The following NRBP1 variants were observed in gnomAD, a reference collection of about 807,000 sequenced individuals.
NRBP1 encodes the protein nuclear receptor-binding protein.
A neutral mutation model predicts 76.0 loss-of-function variants in NRBP1; 10 were observed. The observed-to-expected ratio is 0.13, with a 90% confidence interval of 0.08 to 0.22. The LOEUF (loss-of-function observed/expected upper bound fraction) is 0.22, where lower values mean the gene tolerates loss of function less well. NRBP1 is among the 10% of genes least tolerant of loss of function. NRBP1 has a pLI of 1.00. For missense variants in NRBP1, 344 were observed against 646.0 expected (o/e 0.53, Z 5.07); for synonymous variants, 235 against 240.2 (o/e 0.98, Z 0.20).
chr2:27,434,129 A>T, intron 4 of NRBP1, 39 bp downstream of exon 4: 1 of 1,406,016 alleles, frequency 7.1e-7, no homozygotes, highest in Middle Eastern at 1.8e-4. Flanking sequence ...ACTTATTGCA[A>T]AGAGACTAGC....
At position 27,428,670 on chromosome 2, in the gene NRBP1, A is replaced by G. The variant is rs367640010; in HGVS notation, c.-82A>G. On this transcript the variant is annotated 5_prime_UTR_variant, in exon 1 of 18. Coordinates refer to ENST00000379852, the MANE Select transcript of NRBP1 (RefSeq NM_013392.4). ...GCGCAGCTGTGAGGGAGTCGCTGTG[A>G]TCCGGGGCCCCGGAACCCGAGCTGG... 492 of 397,906 alleles carry G rather than the reference A, an allele frequency of 1.2e-3. 1 individual carries two copies. The highest frequency in any genetic ancestry group is 9.2e-3 in the African/African-American group (449 of 48,688). The allele number at this position is 397,906 out of a possible 1,614,324, so 24.6% of individuals were successfully genotyped here. A position where few individuals can be genotyped will look rare whatever the true frequency, so the allele number is the denominator to read the frequency against.
At chr2:27,430,462 TTTTTTTC>T (rs1664065956) in intron 1 of NRBP1, among the ~76,000 whole-genome samples, 1 of 106,898 alleles carries the variant, frequency 9.4e-6, no homozygotes, top group Non-Finnish European at 1.9e-5. Flanking sequence ...CTTTTCTTTC[TTTTTTTC>T]TTTTTTTTTT....
chr2:27,434,599 T>TG, intron 5 of NRBP1, 39 bp downstream of exon 5: 2 of 1,599,806 alleles, frequency 1.3e-6, no homozygotes, highest in Non-Finnish European at 1.7e-6. Context: ...GGCTGGTTTT[T>TG]GGGGGTGGTT....
chr2:27,428,973 G>C (rs1355471614), intron 1 of NRBP1, among the ~76,000 whole-genome samples: 1 of 151,864 alleles, frequency 6.6e-6, no homozygotes, highest in Non-Finnish European at 1.5e-5. Flanking sequence ...GGGATTCTGC[G>C]GGCGCGGGTC....
chr2:27,433,170 C>T (rs1011104064), intron 1 of NRBP1, 84 bp from the exon 2 acceptor site: 33 of 991,484 alleles, frequency 3.3e-5, no homozygotes, highest in South Asian at 1.4e-5. Flanking sequence ...TGAGCCACCA[C>T]GTCCAGCCTG....
In NRBP1 at chr2:27,434,243, C is replaced by T. The variant is rs111354184; in HGVS notation, c.435+153C>T. Among the ~76,000 whole-genome samples the T allele has an allele frequency of 1.6e-3, 249 of 152,312 alleles. 4 individuals are homozygous for T. The highest frequency in any genetic ancestry group is 5.6e-3 in the African/African-American group (234 of 41,574). On this transcript the variant is annotated intron_variant, in intron 4 of 17. Coordinates refer to ENST00000379852, the MANE Select transcript of NRBP1 (RefSeq NM_013392.4). ...GCGATAAGAGTAGGGCTTCAGTTGTCACCTATGCCTTTTGTGTGGCTATAG... is the reference window on the plus strand; with the variant it reads ...GCGATAAGAGTAGGGCTTCAGTTGTTACCTATGCCTTTTGTGTGGCTATAG...
rs758869589 is a variant in NRBP1 at position 27,436,997 on chromosome 2, C to T, written c.746-50C>T. On this transcript the variant is annotated intron_variant, in intron 8 of 17. Transcript: ENST00000379852. ...TTTTTTCCTAAGGCATTCCTGCCAACCCTAGCCCCCAATCCTCTGATTAAC... is the reference window on the plus strand; with the variant it reads ...TTTTTTCCTAAGGCATTCCTGCCAATCCTAGCCCCCAATCCTCTGATTAAC... 3 of 1,562,510 alleles carry T rather than the reference C, an allele frequency of 1.9e-6. No homozygotes were observed. In the African/African-American group the frequency reaches 4.1e-5, roughly 21 times the overall value.
chr2:27,441,339 CTCCTT>C lies in NRBP1; in HGVS notation c.1447+13_1447+17del, dbSNP rs752871734. On this transcript the variant is annotated intron_variant, in intron 16 of 17. Transcript: ENST00000379852. ...CTGTGACCTGATGCCAAGTGAGTCT[CTCCTT>C]TCCCTCAGAGGATGGAGAGTCTATG... 1 of 1,613,424 alleles carries C rather than the reference CTCCTT, an allele frequency of 6.2e-7. No homozygotes were observed. The highest frequency in any genetic ancestry group is 1.1e-5 in the South Asian group (1 of 91,078).
intron 7 of NRBP1, 129 bp from the exon 8 acceptor site, chr2:27,436,624 T>C (rs780102): frequency 0.4 from 289,922 of 716,204 alleles, 63,304 homozygotes; most frequent in African/African-American, 0.67. Context: ...AAAGGGAATA[T>C]GTTTGTGCCT....
At chr2:27,439,234 T>C (rs1664427595) in intron 10 of NRBP1, among the ~76,000 whole-genome samples, 1 of 152,094 alleles carries the variant, frequency 6.6e-6, no homozygotes, top group Non-Finnish European at 1.5e-5. Flanking sequence ...ATGCCTGTAA[T>C]ACCGGCACTT....
At chr2:27,439,003 C>T (rs954356727) in intron 10 of NRBP1, among the ~76,000 whole-genome samples, 2 of 151,946 alleles carry the variant, frequency 1.3e-5, no homozygotes, top group African/African-American at 4.8e-5. Flanking sequence ...TTAGAGGAAT[C>T]CTGGGAAATT....
intron 4 of NRBP1, 104 bp from the exon 5 acceptor site, chr2:27,434,364 GAAC>G (rs1664228821): frequency 1.1e-6 from 1 of 873,460 alleles, no homozygotes; most frequent in Non-Finnish European, 1.9e-6. Context: ...GTAAAGCTAA[GAAC>G]AAAAGGAGAG....
intron 14 of NRBP1, 43 bp downstream of exon 14, chr2:27,440,983 G>T (rs779635996): frequency 3.1e-6 from 5 of 1,612,178 alleles, no homozygotes; most frequent in Non-Finnish European, 4.2e-6. Flanking sequence ...GGTTGTGGTG[G>T]AAGGGAGAGA....
intron 10 of NRBP1, among the ~76,000 whole-genome samples, chr2:27,438,476 T>C (rs1664400982): frequency 6.6e-6 from 1 of 152,130 alleles, no homozygotes; most frequent in Non-Finnish European, 1.5e-5. Flanking sequence ...TGTAACTCAT[T>C]AGATAAGTAT....
upstream of NRBP1, chr2:27,428,342 C>T (rs545176563): frequency 1.6e-4 from 44 of 278,824 alleles, 1 homozygote; most frequent in African/African-American, 7.9e-4. Flanking sequence ...ATGGCGCCTT[C>T]AAGAAGAGGT....
chr2:27,436,682 G>A, intron 7 of NRBP1, 71 bp from the exon 8 acceptor site: 1 of 1,386,656 alleles, frequency 7.2e-7, no homozygotes, highest in Non-Finnish European at 1.0e-6. Flanking sequence ...TTGGCTTTTG[G>A]GGCCTCTCTC....
At chr2:27,435,259 G>T in intron 7 of NRBP1, 32 bp downstream of exon 7, 3 of 1,586,794 alleles carry the variant, frequency 1.9e-6, no homozygotes, top group Non-Finnish European at 2.6e-6. Flanking sequence ...GGGCAGGGGA[G>T]CCTCGGGAAT....
upstream of NRBP1, chr2:27,428,505 G>A (rs918305198): frequency 1.5e-5 from 6 of 395,030 alleles, no homozygotes; most frequent in African/African-American, 8.3e-5. Context: ...GCGGGTGGAA[G>A]CCCACCCCAG....
chr2:27,441,782 C>T lies in NRBP1; in HGVS notation c.1578C>T (p.Leu526=). 3 of 1,613,486 alleles carry T rather than the reference C, an allele frequency of 1.9e-6. 1 individual carries two copies. In the South Asian group the frequency reaches 3.3e-5, roughly 18 times the overall value. Residue 526 remains leucine, a synonymous_variant, in exon 18 of 18, where the codon CTC becomes CTT. Transcript: ENST00000379852. The part of the protein sequence containing the change: ...NKFNFARNST[L]NSAAVTVSS ...TCAATTTTGCCAGGAACAGTACCCT[C>T]AACTCAGCCGCTGTCACCGTCTCCT... is the stretch of plus-strand genomic sequence containing the variant.
Sources: allele counts gnomAD v4.1 joint callset (sites outside exome capture counted in the v4.1 genomes callset), GRCh38; gene constraint gnomAD v4.1.1; transcripts MANE v1.5; gene names NCBI Gene and HGNC (gene_info 2026-07-23, HGNC 2026-07-21).